SHPK: variants seen among roughly 807,000 people sequenced by gnomAD.
The protein encoded by SHPK is sedoheptulokinase, also known as carbohydrate kinase-like protein.
In SHPK, 51 loss-of-function variants were observed where a neutral mutation model predicts 46.3. That is an observed-to-expected ratio of 1.10 (90% CI 0.88 to 1.39). The LOEUF (loss-of-function observed/expected upper bound fraction) is 1.39. Ranked by LOEUF, SHPK falls within the 40% of genes most tolerant of loss-of-function variation. The pLI is 0.00. For synonymous variants in SHPK, 290 were observed against 273.9 expected (o/e 1.06, Z -0.58); for missense variants, 668 against 641.3 (o/e 1.04, Z -0.45).
chr17:3,620,616 C>T (rs1441854307), intron 5 of SHPK, among the ~76,000 whole-genome samples: 1 of 151,240 alleles, frequency 6.6e-6, no homozygotes, highest in African/African-American at 2.4e-5. Flanking sequence ...GGCTGGAGTG[C>T]AGTGATGTGA....
chr17:3,612,365 G>A (rs1314512179), intron 6 of SHPK, among the ~76,000 whole-genome samples: 1 of 150,940 alleles, frequency 6.6e-6, no homozygotes, highest in African/African-American at 2.5e-5. Flanking sequence ...GGCAGAGCTT[G>A]CAGTGAGCTG....
At chr17:3,619,836 C>A in intron 5 of SHPK, 1 of 417,060 alleles carries the variant, frequency 2.4e-6, no homozygotes, top group Non-Finnish European at 4.7e-6. Context: ...TAGCTTGGTT[C>A]CTCTCCTCTG....
At chr17:3,630,052 C>T (rs917497636) in intron 2 of SHPK, among the ~76,000 whole-genome samples, 153 bp downstream of exon 2, 3 of 152,114 alleles carry the variant, frequency 2.0e-5, no homozygotes, top group South Asian at 2.1e-4. Context: ...TGCTCACCCA[C>T]GCAGGAGGCA....
At position 3,615,332 on chromosome 17, in the gene SHPK, C is replaced by T. The variant is rs1191344219; in HGVS notation, c.1024+5G>A. 6.2e-7 allele frequency: 1 copy of T among 1,613,922 alleles called. No homozygotes were observed. Among genetic ancestry groups the T allele is most frequent in the African/African-American group, 1.3e-5 (1 of 74,928 alleles). ...GAACACAGCGCTGTGTGGGCCACAC[C>T]TTACCTAGATCTGCCATCCACTGAA... is the stretch of plus-strand genomic sequence containing the variant. On this transcript the variant is annotated splice_donor_5th_base_variant and intron_variant, in intron 6 of 6. Transcript: ENST00000225519.
intron 4 of SHPK, among the ~76,000 whole-genome samples, chr17:3,623,122 G>C (rs1317822563): frequency 6.6e-6 from 1 of 152,216 alleles, no homozygotes; most frequent in South Asian, 2.1e-4. Context: ...GAGCAGGACA[G>C]CATGGCTGAG....
At chr17:3,627,569 T>C (rs2075445491) in intron 2 of SHPK, among the ~76,000 whole-genome samples, 1 of 152,046 alleles carries the variant, frequency 6.6e-6, no homozygotes, top group South Asian at 2.1e-4. Flanking sequence ...AAATGTGATT[T>C]CACTTGACTT....
chr17:3,611,472 G>A (rs2075339313), intron 6 of SHPK, among the ~76,000 whole-genome samples: 1 of 152,208 alleles, frequency 6.6e-6, no homozygotes, highest in Non-Finnish European at 1.5e-5. Context: ...AGGAGGCTGA[G>A]GCAGGAGAAT....
At chr17:3,619,233 T>C (rs2029875525) in intron 5 of SHPK, 3 of 624,344 alleles carry the variant, frequency 4.8e-6, no homozygotes, top group African/African-American at 3.7e-5. Context: ...TGTAAGATTT[T>C]ACATGTATTT....
chr17:3,623,900 A>G (rs989345828), intron 3 of SHPK, 148 bp downstream of exon 3: 9 of 753,238 alleles, frequency 1.2e-5, no homozygotes, highest in African/African-American at 3.5e-5. Context: ...TCTGGACCCA[A>G]TCGAGGTCCA....
intron 1 of SHPK, among the ~76,000 whole-genome samples, chr17:3,632,007 A>G (rs547027452): frequency 6.6e-6 from 1 of 151,946 alleles, no homozygotes; most frequent in East Asian, 1.9e-4. Flanking sequence ...ACCAGGTTGG[A>G]GTGCAGTGGT....
At position 3,624,044 on chromosome 17, in the gene SHPK, G is replaced by C. The variant is rs370312553; in HGVS notation, c.494+4C>G. ...CACCCGAGTGAAAGTGCAGTTGCCC[G>C]TACCGATATTTCAAAAGCCAGAAGA... On this transcript the variant is annotated splice_donor_region_variant and intron_variant, in intron 3 of 6. Coordinates refer to ENST00000225519, the MANE Select transcript of SHPK (RefSeq NM_013276.4). 1.3e-6 allele frequency: 2 copies of C among 1,599,526 alleles called. No homozygotes were observed. The highest frequency in any genetic ancestry group is 2.2e-5 in the South Asian group (2 of 90,434).
At chr17:3,634,071 A>G (rs1038127299) in intron 1 of SHPK, among the ~76,000 whole-genome samples, 44 of 149,834 alleles carry the variant, frequency 2.9e-4, no homozygotes, top group Non-Finnish European at 6.2e-4. Context: ...TGAAGGCAGC[A>G]TGCCCGTTAA....
chr17:3,636,240 C>G lies in SHPK; in HGVS notation c.-21G>C. On this transcript the variant is annotated 5_prime_UTR_variant, in exon 1 of 7. Transcript: ENST00000225519. ...GCCATTATCTCCCTGACCCGCGCAG[C>G]TCCAGTCTGCAGCCAGCGGCCCCAC... 3 of 1,581,462 alleles carry G rather than the reference C, an allele frequency of 1.9e-6. No individual in the cohort carries two copies.
At chr17:3,614,878 G>A (rs1433143830) in intron 6 of SHPK, among the ~76,000 whole-genome samples, 1 of 151,524 alleles carries the variant, frequency 6.6e-6, no homozygotes, top group Non-Finnish European at 1.5e-5. Flanking sequence ...AGAAGAAGAA[G>A]AAAAGCCTGC....
chr17:3,621,951 C>T (rs1428437567), intron 4 of SHPK, among the ~76,000 whole-genome samples: 1 of 151,308 alleles, frequency 6.6e-6, no homozygotes, highest in Non-Finnish European at 1.5e-5. Context: ...CCACACCCGG[C>T]TCCTTCTTTC....
At chr17:3,635,463 CT>C (rs2075513244) in intron 1 of SHPK, among the ~76,000 whole-genome samples, 1 of 152,152 alleles carries the variant, frequency 6.6e-6, no homozygotes, top group Non-Finnish European at 1.5e-5. Context: ...TCTCGATCTC[CT>C]GACCTCGTGA....
At chr17:3,613,064 C>T (rs1227775522) in intron 6 of SHPK, among the ~76,000 whole-genome samples, 2 of 152,004 alleles carry the variant, frequency 1.3e-5, no homozygotes, top group Non-Finnish European at 2.9e-5. Flanking sequence ...ATCTTTTTAA[C>T]ACATAGCTTG....
chr17:3,634,023 T>G (rs2075490349), intron 1 of SHPK, among the ~76,000 whole-genome samples: 2 of 149,468 alleles, frequency 1.3e-5, no homozygotes, highest in Non-Finnish European at 3.0e-5. Flanking sequence ...TTAAATGGAT[T>G]AAGGGCGGTG....
intron 2 of SHPK, among the ~76,000 whole-genome samples, chr17:3,626,216 C>A (rs566758466): frequency 6.6e-6 from 1 of 152,198 alleles, no homozygotes; most frequent in Non-Finnish European, 1.5e-5. Flanking sequence ...CTTAAAAGTT[C>A]ACTAGAATAT....
Sources: allele counts gnomAD v4.1 joint callset (sites outside exome capture counted in the v4.1 genomes callset), GRCh38; gene constraint gnomAD v4.1.1; transcripts MANE v1.5; gene names NCBI Gene and HGNC (gene_info 2026-07-23, HGNC 2026-07-21).